The following INO80E variants were observed in gnomAD, a reference collection of about 807,000 sequenced individuals.
INO80E encodes INO80 complex subunit E.
Under a neutral mutation model 27.3 loss-of-function variants are expected in INO80E, and 20 were observed. The ratio of observed to expected loss-of-function variants is 0.73; its 90% CI spans 0.51 to 1.06. The LOEUF (loss-of-function observed/expected upper bound fraction) is 1.06, where lower values mean the gene tolerates loss of function less well. Among genes scored for constraint, INO80E ranks in the 50% least tolerant of loss-of-function variants. INO80E has a pLI of 0.00. For missense variants in INO80E, 357 were observed against 322.8 expected (o/e 1.11, Z -0.81); for synonymous variants, 167 against 145.9 (o/e 1.14, Z -1.04).
At position 29,996,854 on chromosome 16, in the gene INO80E, T is replaced by A; in HGVS notation, c.199T>A (p.Ser67Thr). ...LLQYENVDED[S>T]SDSDATASSD... is the part of the protein sequence containing the mutation. ...GCAGTACGAGAACGTGGATGAAGAC[T>A]CTTCGGGTGAGCAAGGTCTTCAAAA... The change falls in exon 3 of 7, where the codon TCT (serine) becomes ACT (threonine). Residue 67 changes from serine to threonine, a missense_variant. By Grantham distance (58) the Ser-to-Thr change is moderately conservative (BLOSUM62 1). Coordinates refer to ENST00000563197, the MANE Select transcript of INO80E (RefSeq NM_173618.3). 1.2e-6 allele frequency: 2 copies of A among 1,614,120 alleles called. No individual in the cohort carries two copies. The highest frequency in any genetic ancestry group is 1.1e-5 in the South Asian group (1 of 91,082).
chr16:29,996,439 C>T (rs1345338375), intron 1 of INO80E, 48 bp downstream of exon 1: 2 of 1,556,874 alleles, frequency 1.3e-6, no homozygotes, highest in East Asian at 4.8e-5. Flanking sequence ...CTGGCGCGGA[C>T]AAGATCTCAG....
chr16:30,000,771 T>C lies in INO80E; in HGVS notation c.219T>C (p.Thr73=). 1.2e-6 allele frequency: 2 copies of C among 1,614,110 alleles called. No homozygotes were observed. Among genetic ancestry groups the C allele is most frequent in the Non-Finnish European group, 8.5e-7 (1 of 1,179,954 alleles). ...VDEDSSDSDA[T]ASSDNSETEG... ...TCCCCATCACAGACTCAGATGCCAC[T>C]GCATCATCAGATAACAGCGAGACGG... Residue 73 remains threonine (T), a synonymous_variant, in exon 4 of 7, where the codon ACT becomes ACC. Transcript: ENST00000563197.
intron 3 of INO80E, among the ~76,000 whole-genome samples, chr16:29,997,115 A>G (rs1011481582): frequency 3.3e-5 from 5 of 152,244 alleles, no homozygotes; most frequent in Admixed American, 1.3e-4. Flanking sequence ...TGTAATTTAT[A>G]TTCTAGTTGG....
chr16:30,001,719 A>C, intron 6 of INO80E, 189 bp downstream of exon 6: 1 of 579,528 alleles, frequency 1.7e-6, no homozygotes, highest in East Asian at 3.1e-5. Context: ...ATCAGGGCAG[A>C]ACCAGCCTTG....
rs536565115 is a variant in INO80E, at chr16:29,996,854, T to C, written c.199T>C (p.Ser67Pro). 3.1e-6 allele frequency: 5 copies of C among 1,614,120 alleles called. No individual in the cohort carries two copies. The East Asian group carries it at 8.9e-5, about 29-fold the overall frequency. ...GCAGTACGAGAACGTGGATGAAGACTCTTCGGGTGAGCAAGGTCTTCAAAA... is the reference window on the plus strand; with the variant it reads ...GCAGTACGAGAACGTGGATGAAGACCCTTCGGGTGAGCAAGGTCTTCAAAA... ...LLQYENVDEDSSDSDATASSD... is the reference protein window; with the variant it reads ...LLQYENVDEDPSDSDATASSD... Residue 67 changes from serine to proline, a missense_variant, in exon 3 of 7, where the codon TCT (serine) becomes CCT (proline). Ser to Pro is a moderately conservative substitution (Grantham distance 74, BLOSUM62 -1). Transcript: ENST00000563197.
rs1464016491 is a variant in INO80E, at chr16:30,003,590, C to G, written c.514-1631C>G. 1.3e-5 allele frequency: 2 copies of G among 152,406 alleles called. No homozygotes were observed. The highest frequency in any genetic ancestry group is 3.9e-4 in the East Asian group (2 of 5,190). The allele number at this position is 152,406 out of a possible 1,614,324, so 9.4% of individuals were successfully genotyped here. The stretch of plus-strand genomic sequence containing the variant: ...TGAATCCCAGCTCTTCCAGTGCTCA[C>G]CATGCGACCTCAGCGTTGTCATTTC... On this transcript the variant is annotated intron_variant, in intron 6 of 6. Transcript: ENST00000563197. The surrounding 1 kb of genome is among the most constrained non-coding windows in gnomAD (Gnocchi z 4.4).
Position 30,001,547 on chromosome 16 carries a change from G to C in INO80E, c.513+17G>C, listed in dbSNP as rs759332874. On this transcript the variant is annotated intron_variant, in intron 6 of 6. Transcript: ENST00000563197. ...AAACTCAAGGTACCCTGACGTGGGG[G>C]TGCTAGGGAGGGGCAGGACGGCAGG... The C allele has an allele frequency of 4.4e-6, 7 of 1,607,438 alleles. No individual in the cohort carries two copies. In the South Asian group the frequency reaches 6.7e-5, roughly 15 times the overall value.
intron 3 of INO80E, 58 bp downstream of exon 3, chr16:29,996,918 C>T (rs1826391072): frequency 1.3e-6 from 2 of 1,545,918 alleles, no homozygotes; most frequent in Non-Finnish European, 1.8e-6. Context: ...TAGCAAGCTT[C>T]CTGGGCCCCC....
chr16:29,998,524 G>A (rs1038543096), intron 3 of INO80E, among the ~76,000 whole-genome samples: 1 of 152,118 alleles, frequency 6.6e-6, no homozygotes, highest in African/African-American at 2.4e-5. Context: ...AAAGTTTAAC[G>A]AAACATTTTT....
In INO80E at chr16:30,000,846, A is replaced by G. The variant is rs1284815206; in HGVS notation, c.284+10A>G. 1.2e-6 allele frequency: 2 copies of G among 1,613,542 alleles called. No individual in the cohort carries two copies. The highest frequency in any genetic ancestry group is 1.3e-5 in the African/African-American group (1 of 74,924). ...CACCGGCCCCTAAGAGGTGAGAAGA[A>G]GATGCATTCCTCTCGCTGGGGAGGG... On this transcript the variant is annotated intron_variant, in intron 4 of 6. Transcript: ENST00000563197.
In INO80E at chr16:29,996,317, G is replaced by C. The variant is rs554784166; in HGVS notation, c.7G>C (p.Gly3Arg). Residue 3 changes from glycine (G) to arginine (R), a missense_variant, in exon 1 of 7, where the codon GGG becomes CGG. Coordinates refer to ENST00000563197, the MANE Select transcript of INO80E (RefSeq NM_173618.3). ...CGCCACTCCCGGGCCGGTCATGAAC[G>C]GGCCGGCGGACGGCGAAGTGGACTA... MN[G>R]PADGEVDYKK... The C allele has an allele frequency of 2.1e-5, 34 of 1,594,468 alleles. No individual in the cohort carries two copies. The South Asian group carries it at 3.4e-4, about 16-fold the overall frequency.
intron 6 of INO80E, among the ~76,000 whole-genome samples, 162 bp from the exon 7 acceptor site, chr16:30,005,059 G>A (rs1424010608): frequency 1.3e-5 from 2 of 152,074 alleles, no homozygotes; most frequent in Non-Finnish European, 2.9e-5. Context: ...TGAGGCTCTC[G>A]AGGGGCTGAG....
In INO80E at chr16:29,996,817, A is replaced by G; in HGVS notation, c.162A>G (p.Leu54=). ...CCTTCCCTCCCCTCAGTTTCCTCCT[A>G]GACCGACTTCTGCAGTACGAGAACG... is the stretch of plus-strand genomic sequence containing the variant. ...LKVSRDKSFL[L]DRLLQYENVD... The change falls in exon 3 of 7, where the codon CTA becomes CTG. Residue 54 remains leucine (L), a synonymous_variant. Coordinates refer to ENST00000563197, the MANE Select transcript of INO80E (RefSeq NM_173618.3). 1 of 1,614,148 alleles carries G rather than the reference A, an allele frequency of 6.2e-7. No individual in the cohort carries two copies. Among genetic ancestry groups the G allele is most frequent in the Non-Finnish European group, 8.5e-7 (1 of 1,179,984 alleles).
chr16:30,000,848 A>T lies in INO80E; in HGVS notation c.284+12A>T. On this transcript the variant is annotated intron_variant, in intron 4 of 6. Coordinates refer to ENST00000563197, the MANE Select transcript of INO80E (RefSeq NM_173618.3). ...CCGGCCCCTAAGAGGTGAGAAGAAG[A>T]TGCATTCCTCTCGCTGGGGAGGGTC... 1.2e-6 allele frequency: 2 copies of T among 1,612,984 alleles called. No homozygotes were observed. The highest frequency in any genetic ancestry group is 1.7e-4 in the Middle Eastern group (1 of 6,054).
At chr16:30,001,634 T>C (rs1342831426) in intron 6 of INO80E, 104 bp downstream of exon 6, 3 of 1,101,024 alleles carry the variant, frequency 2.7e-6, no homozygotes, top group East Asian at 2.6e-5. Context: ...AACAGTTAAT[T>C]TGGGGACCCA....
chr16:30,005,319 ACCCCCTAAGATG>A lies in INO80E; in HGVS notation c.618_629del (p.Lys207_Pro210del). On this transcript the variant is annotated inframe_deletion, in exon 7 of 7. Coordinates refer to ENST00000563197, the MANE Select transcript of INO80E (RefSeq NM_173618.3). ...TCGGGACAACCCTGACCCCCCTCCCACCCCCTAAGATGCCCCCCCCCACGATCCTGAGCACGG... is the reference window on the plus strand; with the variant it reads ...TCGGGACAACCCTGACCCCCCTCCCACCCCCCCCCACGATCCTGAGCACGG... The A allele has an allele frequency of 3.6e-6, 1 of 280,394 alleles. No homozygotes were observed. The allele number at this position is 280,394 out of a possible 1,614,324, so 17.4% of individuals were successfully genotyped here.
In INO80E at chr16:30,001,474, C is replaced by T; in HGVS notation, c.457C>T (p.Pro153Ser). 1.2e-6 allele frequency: 2 copies of T among 1,613,300 alleles called. No individual in the cohort carries two copies. Among genetic ancestry groups the T allele is most frequent in the South Asian group, 1.1e-5 (1 of 90,962 alleles). The change falls in exon 6 of 7, where the codon CCC (proline) becomes TCC (serine). Residue 153 changes from proline to serine, a missense_variant. Pro to Ser is a moderately conservative substitution (Grantham distance 74, BLOSUM62 -1). Coordinates refer to ENST00000563197, the MANE Select transcript of INO80E (RefSeq NM_173618.3). Reference protein sequence around the residue: ...SDYLALQLPEPSPLRPKREKR... With the variant: ...SDYLALQLPESSPLRPKREKR... ...CTACCTGGCCCTGCAGCTGCCCGAG[C>T]CCAGTCCCCTGAGGCCCAAGCGGGA...
intron 6 of INO80E, chr16:30,001,760 C>T (rs2070364551): frequency 4.0e-6 from 2 of 494,294 alleles, no homozygotes; most frequent in South Asian, 5.9e-5. Context: ...CCAGGGATCC[C>T]GCCCTTTCAT....
chr16:29,996,366 A>G lies in INO80E; in HGVS notation c.56A>G (p.Lys19Arg). 2 of 1,598,084 alleles carry G rather than the reference A, an allele frequency of 1.3e-6. No individual in the cohort carries two copies. The highest frequency in any genetic ancestry group is 1.7e-6 in the Non-Finnish European group (2 of 1,172,254). The part of the protein sequence containing the change: ...VDYKKKYRNL[K>R]RKLKFLIYEH... ...TACAAAAAAAAATACCGGAATCTGA[A>G]GCGGAAGCTCAAGTTCCTCATCTAC... Residue 19 changes from lysine (K) to arginine (R), a missense_variant, in exon 1 of 7, where the codon AAG becomes AGG. Physicochemically the swap from Lys to Arg is conservative, Grantham distance 26 (BLOSUM62 2). Coordinates refer to ENST00000563197, the MANE Select transcript of INO80E (RefSeq NM_173618.3).
Sources: gnomAD v4.1 joint callset for allele counts (sites outside exome capture counted in the v4.1 genomes callset) on GRCh38, gnomAD v4.1.1 for gene constraint, Gnocchi (gnomAD v3.1) non-coding constraint, MANE v1.5 for transcripts, NCBI Gene and HGNC (gene_info 2026-07-23, HGNC 2026-07-21) for gene names.